The following ALPK2 variants were observed in gnomAD, a reference collection of about 807,000 sequenced individuals.
ALPK2 encodes the protein alpha kinase 2, also known as alpha-protein kinase 2.
In ALPK2, 127 loss-of-function variants were observed where a neutral mutation model predicts 163.1. The observed-to-expected ratio is 0.78, with a 90% CI of 0.67 to 0.90. The LOEUF (loss-of-function observed/expected upper bound fraction) is 0.90. Ranked by LOEUF, ALPK2 falls within the 40% of genes least tolerant of loss-of-function variation. ALPK2 has a pLI of 0.00. For missense variants in ALPK2, 2,360 were observed against 2,589.6 expected (o/e 0.91, Z 1.92); for synonymous variants, 953 against 959.1 (o/e 0.99, Z 0.12).
chr18:58,581,738 A>G (rs888624728), intron 3 of ALPK2, among the ~76,000 whole-genome samples: 7 of 152,212 alleles, frequency 4.6e-5, no homozygotes, highest in African/African-American at 1.4e-4. Flanking sequence ...TGACCTCACT[A>G]TAAGTATCAG....
intron 11 of ALPK2, among the ~76,000 whole-genome samples, chr18:58,500,705 G>A (rs376860338): frequency 4.6e-5 from 7 of 151,898 alleles, no homozygotes; most frequent in East Asian, 1.9e-4. Context: ...CAGGTGGATC[G>A]CTTGAGGTCA....
chr18:58,575,392 T>A (rs999963756), intron 4 of ALPK2, among the ~76,000 whole-genome samples: 1 of 152,128 alleles, frequency 6.6e-6, no homozygotes, highest in African/African-American at 2.4e-5. Context: ...ATCACGGAGC[T>A]CAATTCTGTG....
At chr18:58,556,654 A>G (rs895322745) in intron 4 of ALPK2, among the ~76,000 whole-genome samples, 1 of 152,216 alleles carries the variant, frequency 6.6e-6, no homozygotes, top group Non-Finnish European at 1.5e-5. Flanking sequence ...CCAAGGGTAG[A>G]AATCCCTAGG....
intron 3 of ALPK2, among the ~76,000 whole-genome samples, chr18:58,586,177 A>T (rs953626495): frequency 1.3e-5 from 2 of 152,218 alleles, no homozygotes; most frequent in Non-Finnish European, 2.9e-5. Flanking sequence ...TAAACTGTTA[A>T]GCTTTTGATG....
chr18:58,496,329 A>G (rs1160885681), intron 12 of ALPK2, among the ~76,000 whole-genome samples: 1 of 152,136 alleles, frequency 6.6e-6, no homozygotes, highest in Admixed American at 6.5e-5. Context: ...CCAAGAACAT[A>G]CCCAATTCCC....
chr18:58,508,597 C>T (rs1043449865), intron 10 of ALPK2, among the ~76,000 whole-genome samples: 21 of 152,204 alleles, frequency 1.4e-4, no homozygotes, highest in African/African-American at 3.9e-4. Flanking sequence ...CCACCAGTGC[C>T]ATAACAGTTT....
chr18:58,498,011 A>C lies in ALPK2; in HGVS notation c.6296+38T>G, dbSNP rs780937767. The C allele has an allele frequency of 2.5e-6, 4 of 1,603,518 alleles. No individual in the cohort carries two copies. In the South Asian group the frequency reaches 4.4e-5, roughly 18 times the overall value. The stretch of plus-strand genomic sequence containing the variant: ...CTGCCTGGAAGGTGTCTGTAAGCCC[A>C]GTGTTAATTGATGCACACTCCATTT... On this transcript the variant is annotated intron_variant, in intron 12 of 12. Coordinates refer to ENST00000361673, the MANE Select transcript of ALPK2 (RefSeq NM_052947.4).
At chr18:58,611,910 C>T in intron 1 of ALPK2, 93 bp from the exon 2 acceptor site, 1 of 739,792 alleles carries the variant, frequency 1.4e-6, no homozygotes, top group African/African-American at 1.8e-5. Flanking sequence ...GCCGCCCTGG[C>T]AGCTCACTGC....
At chr18:58,591,419 C>T (rs1173616012) in intron 3 of ALPK2, among the ~76,000 whole-genome samples, 1 of 152,198 alleles carries the variant, frequency 6.6e-6, no homozygotes, top group Non-Finnish European at 1.5e-5. Context: ...GCTCTTTTCT[C>T]AGGAGCCTCC....
intron 12 of ALPK2, among the ~76,000 whole-genome samples, chr18:58,488,867 TG>T (rs760702838): frequency 1.3e-5 from 2 of 152,016 alleles, no homozygotes; most frequent in Non-Finnish European, 2.9e-5. Flanking sequence ...GGGAGGGACA[TG>T]GGGAGCCTTC....
chr18:58,625,155 C>T (rs1402357886), intron 1 of ALPK2, among the ~76,000 whole-genome samples: 2 of 151,608 alleles, frequency 1.3e-5, no homozygotes, highest in Non-Finnish European at 1.5e-5. Flanking sequence ...ATGCTGGTTT[C>T]TCTTTGAAGG....
chr18:58,509,999 A>G (rs1422460997), intron 10 of ALPK2, among the ~76,000 whole-genome samples: 1 of 152,152 alleles, frequency 6.6e-6, no homozygotes, highest in Non-Finnish European at 1.5e-5. Context: ...GTTTTCTTCT[A>G]GGGTTTTTAT....
chr18:58,613,739 A>G (rs910796034), intron 1 of ALPK2, among the ~76,000 whole-genome samples: 1 of 148,572 alleles, frequency 6.7e-6, no homozygotes, highest in Admixed American at 6.7e-5. Flanking sequence ...TAATAATAAT[A>G]ATAATAAAAT....
intron 11 of ALPK2, among the ~76,000 whole-genome samples, chr18:58,499,340 A>G (rs1238485098): frequency 2.0e-5 from 3 of 152,286 alleles, no homozygotes; most frequent in Non-Finnish European, 2.9e-5. Flanking sequence ...GGAATAGACT[A>G]TCCCACTGTT....
At chr18:58,572,265 G>T (rs2051889776) in intron 4 of ALPK2, among the ~76,000 whole-genome samples, 2 of 152,200 alleles carry the variant, frequency 1.3e-5, no homozygotes, top group African/African-American at 4.8e-5. Context: ...TGGTGCAGAT[G>T]TGGCGTAACT....
At chr18:58,551,925 G>A (rs1267657229) in intron 4 of ALPK2, among the ~76,000 whole-genome samples, 1 of 152,176 alleles carries the variant, frequency 6.6e-6, no homozygotes, top group Non-Finnish European at 1.5e-5. Flanking sequence ...ATCTCCTTAT[G>A]AAGAGGCAGG....
chr18:58,517,928 T>C (rs1026651032), intron 8 of ALPK2, among the ~76,000 whole-genome samples: 2 of 152,116 alleles, frequency 1.3e-5, no homozygotes, highest in Non-Finnish European at 2.9e-5. Flanking sequence ...ATTTTAAGTT[T>C]TCTAACAGCT....
At chr18:58,620,162 G>C (rs948861496) in intron 1 of ALPK2, among the ~76,000 whole-genome samples, 2 of 152,160 alleles carry the variant, frequency 1.3e-5, no homozygotes, top group Non-Finnish European at 2.9e-5. Context: ...ATGGTGTCGG[G>C]TGCATGAAAT....
chr18:58,571,975 C>CAAAA (rs35927788), intron 4 of ALPK2, among the ~76,000 whole-genome samples: 10 of 66,606 alleles, frequency 1.5e-4, no homozygotes, highest in East Asian at 4.6e-4. Flanking sequence ...GACTCCATCT[C>CAAAA]AAAAAAAAAA....
Sources: allele counts gnomAD v4.1 joint callset (sites outside exome capture counted in the v4.1 genomes callset), GRCh38; gene constraint gnomAD v4.1.1; transcripts MANE v1.5; gene names NCBI Gene and HGNC (gene_info 2026-07-23, HGNC 2026-07-21).